Variants in IFT74 observed in about 807,000 individuals in gnomAD.
IFT74 encodes intraflagellar transport 74.
In IFT74, 92 loss-of-function variants were observed where a neutral mutation model predicts 96.7. The ratio of observed to expected loss-of-function variants is 0.95; its 90% CI spans 0.80 to 1.13. IFT74 has a LOEUF of 1.13. Ranked by LOEUF, IFT74 falls within the 50% of genes most tolerant of loss-of-function variation. The pLI is 0.00. For synonymous variants in IFT74, 223 were observed against 213.2 expected (o/e 1.05, Z -0.40); for missense variants, 811 against 698.2 (o/e 1.16, Z -1.82).
intron 2 of IFT74, chr9:26,976,492 A>T (rs141046275): frequency 3.3e-6 from 1 of 302,840 alleles, no homozygotes; most frequent in Non-Finnish European, 6.5e-6. Flanking sequence ...AATCTAAACT[A>T]GACCCAATTG....
intron 8 of IFT74, chr9:26,997,738 A>G (rs909233568): frequency 6.2e-7 from 1 of 1,601,564 alleles, no homozygotes; most frequent in Non-Finnish European, 8.5e-7. Context: ...CTAATGTCAC[A>G]TTTGATGTGT....
chr9:27,006,650 A>G (rs1416095227), intron 8 of IFT74, among the ~76,000 whole-genome samples: 1 of 126,668 alleles, frequency 7.9e-6, no homozygotes, highest in East Asian at 2.6e-4. Context: ...AAGAGAAGAG[A>G]GAGGAGGGGG....
In IFT74 at chr9:27,030,929, A is replaced by G. The variant is rs79901680; in HGVS notation, c.1054+1825A>G. On this transcript the variant is annotated intron_variant, in intron 13 of 19. Transcript: ENST00000380062. Reference sequence around the variant, plus strand: ...ATATTTTCACTCAACATGGGATACTATTTTTAATAAGGATGTTTTTATCCT... The same window carrying G: ...ATATTTTCACTCAACATGGGATACTGTTTTTAATAAGGATGTTTTTATCCT... Among the ~76,000 whole-genome samples, 238 of 152,318 alleles carry G rather than the reference A, an allele frequency of 1.6e-3. 1 individual carries two copies. The highest frequency in any genetic ancestry group is 2.7e-3 in the Non-Finnish European group (187 of 68,030).
At chr9:27,060,910 C>G (rs912775912) in intron 19 of IFT74, 3 of 189,566 alleles carry the variant, frequency 1.6e-5, no homozygotes, top group Non-Finnish European at 3.1e-5. Flanking sequence ...CTCAGTGAGC[C>G]GAGATGGCAC....
intron 17 of IFT74, 60 bp downstream of exon 17, chr9:27,055,832 G>A: frequency 2.8e-6 from 3 of 1,088,802 alleles, no homozygotes; most frequent in Non-Finnish European, 3.8e-6. Context: ...TTGATCAAAT[G>A]TAATATATTT....
intron 2 of IFT74, among the ~76,000 whole-genome samples, chr9:26,977,413 C>G (rs1007769455): frequency 2.6e-5 from 4 of 152,216 alleles, no homozygotes; most frequent in Admixed American, 2.0e-4. Context: ...GCCTGAATAA[C>G]ATAGTGAGCC....
chr9:27,030,654 A>T (rs555514984), intron 13 of IFT74, among the ~76,000 whole-genome samples: 1 of 152,046 alleles, frequency 6.6e-6, no homozygotes, highest in Admixed American at 6.6e-5. Flanking sequence ...AATGAAAGTT[A>T]TATGGTCAGA....
intron 2 of IFT74, among the ~76,000 whole-genome samples, chr9:26,963,641 G>C (rs1451470381): frequency 6.6e-6 from 1 of 151,592 alleles, no homozygotes; most frequent in Non-Finnish European, 1.5e-5. Flanking sequence ...ACTTTTTAAT[G>C]ATCGCCATTC....
chr9:27,062,687 A>G lies in IFT74; in HGVS notation c.1754A>G (p.Glu585Gly), dbSNP rs1298817320. 2 of 1,610,064 alleles carry G rather than the reference A, an allele frequency of 1.2e-6. No homozygotes were observed. The highest frequency in any genetic ancestry group is 2.2e-5 in the East Asian group (1 of 44,644). Residue 585 changes from glutamate (E) to glycine (G), a missense_variant, in exon 20 of 20, where the codon GAG becomes GGG. Transcript: ENST00000380062. The stretch of plus-strand genomic sequence containing the variant: ...AAAAATGTGACCAAGCAGATTGCAG[A>G]GTACAATAAAACCATCGTGGATGCT... ...IKKNVTKQIA[E>G]YNKTIVDALH...
At chr9:26,989,472 T>C (rs1827776216) in intron 7 of IFT74, among the ~76,000 whole-genome samples, 1 of 152,190 alleles carries the variant, frequency 6.6e-6, no homozygotes, top group Non-Finnish European at 1.5e-5. Flanking sequence ...GAAAATAACA[T>C]ACAATTTATA....
chr9:26,986,335 C>G (rs1387189921), intron 6 of IFT74, among the ~76,000 whole-genome samples: 1 of 141,796 alleles, frequency 7.1e-6, no homozygotes, highest in Non-Finnish European at 1.5e-5. Flanking sequence ...TTTTTTTTTT[C>G]AAGACAGTCT....
At chr9:26,963,785 C>T (rs901154172) in intron 2 of IFT74, among the ~76,000 whole-genome samples, 9 of 152,140 alleles carry the variant, frequency 5.9e-5, no homozygotes, top group South Asian at 2.1e-4. Context: ...TGATGTCTTT[C>T]GCCCACTTTT....
intron 13 of IFT74, among the ~76,000 whole-genome samples, chr9:27,031,904 G>T (rs1830146147): frequency 6.6e-6 from 1 of 152,062 alleles, no homozygotes; most frequent in South Asian, 2.1e-4. Context: ...TAGGGACAGG[G>T]TTTTGCTCTG....
rs1158055326 is a variant in IFT74, at chr9:27,064,579, A to G, written c.*1843A>G. Among the ~76,000 whole-genome samples, 3 of 152,154 alleles carry G rather than the reference A, an allele frequency of 2.0e-5. No individual in the cohort carries two copies. Among genetic ancestry groups the G allele is most frequent in the Non-Finnish European group, 4.4e-5 (3 of 67,976 alleles). On this transcript the variant is annotated 3_prime_UTR_variant, in exon 20 of 20. Transcript: ENST00000380062. ...GTAACAAACAGAGGTATGATTGAGC[A>G]TAGAGTTTAGGCAAGAGAACTGACT...
rs539778490 is a variant in IFT74 at position 26,947,189 on chromosome 9, G to A, written c.-20+43G>A. On this transcript the variant is annotated intron_variant, in intron 1 of 19. Coordinates refer to the IFT74 transcript ENST00000433700. ...ACCGGAAGAGCCCGAGAGCCGGTACGGAAGGGCGGCTGGGAAGGGGCGCGC... is the reference window on the plus strand; with the variant it reads ...ACCGGAAGAGCCCGAGAGCCGGTACAGAAGGGCGGCTGGGAAGGGGCGCGC... The A allele has an allele frequency of 8.1e-4, 805 of 995,142 alleles. 10 individuals carry two copies. In the African/African-American group the frequency reaches 0.013, roughly 16 times the overall value. 61.6% of individuals were successfully genotyped at this position (995,142 alleles called of 1,614,324 possible).
intron 2 of IFT74, among the ~76,000 whole-genome samples, chr9:26,977,319 C>A (rs935330638): frequency 6.6e-6 from 1 of 152,022 alleles, no homozygotes. Flanking sequence ...AGTTTTGAAC[C>A]AGGCACAGTG....
At chr9:27,036,617 A>G (rs1819210306) in intron 13 of IFT74, 1 of 1,517,962 alleles carries the variant, frequency 6.6e-7, no homozygotes, top group South Asian at 1.3e-5. Context: ...TCTAGCACCC[A>G]CTGTTTGAGC....
chr9:27,027,229 A>T (rs902730370), intron 12 of IFT74, among the ~76,000 whole-genome samples: 1 of 152,110 alleles, frequency 6.6e-6, no homozygotes, highest in African/African-American at 2.4e-5. Flanking sequence ...AGACGGATAG[A>T]TTCCTGGAAA....
intron 12 of IFT74, among the ~76,000 whole-genome samples, chr9:27,023,466 G>A (rs1262424849): frequency 6.6e-6 from 1 of 152,076 alleles, no homozygotes; most frequent in Non-Finnish European, 1.5e-5. Context: ...CACGTTTATT[G>A]ACTTGTGTAT....
Sources: allele counts gnomAD v4.1 joint callset (sites outside exome capture counted in the v4.1 genomes callset), GRCh38; gene constraint gnomAD v4.1.1; transcripts MANE v1.5; gene names NCBI Gene and HGNC (gene_info 2026-07-23, HGNC 2026-07-21).